Variants in COL7A1 observed in about 807,000 individuals in gnomAD.
COL7A1 encodes the protein collagen type VII alpha 1 chain.
Under a neutral mutation model 456.2 loss-of-function variants are expected in COL7A1, and 296 were observed. That is an observed-to-expected ratio of 0.65 (90% confidence interval 0.59 to 0.71). The LOEUF (loss-of-function observed/expected upper bound fraction) is 0.71. Among genes scored for constraint, COL7A1 ranks in the 30% least tolerant of loss-of-function variants. The probability of loss-of-function intolerance (pLI) is 0.00; values close to 1 mark genes in which losing one functional copy is unlikely to be tolerated. For synonymous variants in COL7A1, 1,464 were observed against 1,525.9 expected (o/e 0.96, Z 0.95); for missense variants, 3,441 against 4,017.2 (o/e 0.86, Z 3.88).
Position 48,583,551 on chromosome 3 carries a change from C to T in COL7A1, c.4401+5G>A. 1 of 1,614,052 alleles carries T rather than the reference C, an allele frequency of 6.2e-7. No homozygotes were observed. Among genetic ancestry groups the T allele is most frequent in the South Asian group, 1.1e-5 (1 of 91,086 alleles). Reference sequence around the variant, plus strand: ...ATATTCAGAATCCCTGGCCCCTCCACTCACCTGCTCACCCGGAGACCCAGG... The same window carrying T: ...ATATTCAGAATCCCTGGCCCCTCCATTCACCTGCTCACCCGGAGACCCAGG... On this transcript the variant is annotated splice_donor_5th_base_variant and intron_variant, in intron 41 of 118. Coordinates refer to ENST00000681320, the MANE Select transcript of COL7A1 (RefSeq NM_000094.4). The surrounding 1 kb of genome is among the most constrained non-coding windows in gnomAD (Gnocchi z 5.1).
Position 48,576,446 on chromosome 3 carries a change from G to A in COL7A1, c.5737-11C>T, listed in dbSNP as rs770638451. 24 of 1,613,414 alleles carry A rather than the reference G, an allele frequency of 1.5e-5. No individual in the cohort carries two copies. Among genetic ancestry groups the A allele is most frequent in the Non-Finnish European group, 2.0e-5 (24 of 1,179,890 alleles). On this transcript the variant is annotated splice_polypyrimidine_tract_variant and intron_variant, in intron 69 of 118. Transcript: ENST00000681320. ...CTCCCCACGGTCACCCTGAAAACAA[G>A]AATGACCAGGTGGGGAAATGGCCCC...
rs751909991 is a variant in COL7A1, at chr3:48,591,597, T to A, written c.1508-5A>T. ...GGCTCACAGGCAGCTCTGGTCCTGT[T>A]GGAGAGCACAGCATAGAGGCAGCCT... On this transcript the variant is annotated splice_polypyrimidine_tract_variant and splice_region_variant and intron_variant, in intron 12 of 118. Coordinates refer to ENST00000681320, the MANE Select transcript of COL7A1 (RefSeq NM_000094.4). The surrounding 1 kb of genome is among the most constrained non-coding windows in gnomAD (Gnocchi z 7.0). The A allele has an allele frequency of 2.5e-6, 4 of 1,613,458 alleles. No individual in the cohort carries two copies. Among genetic ancestry groups the A allele is most frequent in the Non-Finnish European group, 3.4e-6 (4 of 1,179,976 alleles).
At position 48,568,322 on chromosome 3, in the gene COL7A1, A is replaced by C; in HGVS notation, c.7795-152T>G. On this transcript the variant is annotated intron_variant, in intron 105 of 118. Coordinates refer to ENST00000681320, the MANE Select transcript of COL7A1 (RefSeq NM_000094.4). The surrounding 1 kb of genome is among the most constrained non-coding windows in gnomAD (Gnocchi z 5.2). The stretch of plus-strand genomic sequence containing the variant: ...TTGCCATGGGGACAAGGGTCACCAT[A>C]GGCAGGGGACACCATCATAGGCGGC... 2 of 1,072,472 alleles carry C rather than the reference A, an allele frequency of 1.9e-6. No individual in the cohort carries two copies. The highest frequency in any genetic ancestry group is 2.6e-5 in the South Asian group (2 of 75,764). 66.4% of individuals were successfully genotyped at this position (1,072,472 alleles called of 1,614,324 possible).
rs371418298 is a variant in COL7A1, at chr3:48,591,538, C to T, written c.1562G>A (p.Gly521Glu). ...VTDLQATELP[G>E]QRVRVSWSPV... ...GCTCCAGGACACTCGCACCCGCTGC[C>T]CGGGCAGCTCGGTGGCTTGCAGGTC... Residue 521 changes from glycine (G) to glutamate (E), a missense_variant, in exon 13 of 119, where the codon GGG becomes GAG. Transcript: ENST00000681320. This position sits in a 1 kb window ranked among gnomAD's most constrained non-coding sequence, Gnocchi z 7.0. 7.4e-6 allele frequency: 12 copies of T among 1,613,844 alleles called. No homozygotes were observed. In the Admixed American group the frequency reaches 1.0e-4, roughly 13 times the overall value.
chr3:48,570,017 CAG>C lies in COL7A1; in HGVS notation c.7486-104_7486-103del. The C allele has an allele frequency of 6.3e-7, 1 of 1,595,288 alleles. No individual in the cohort carries two copies. The highest frequency in any genetic ancestry group is 8.6e-7 in the Non-Finnish European group (1 of 1,164,400). On this transcript the variant is annotated intron_variant, in intron 99 of 118. Transcript: ENST00000681320. The surrounding 1 kb of genome is among the most constrained non-coding windows in gnomAD (Gnocchi z 5.5). ...AACAGTGGGGACCAGACAAAGGGGA[CAG>C]GGGTAGACGAGGAGGGCCAGAGGGC... is the stretch of plus-strand genomic sequence containing the variant.
chr3:48,564,428 GAGGACAGGTTGGA>G lies in COL7A1; in HGVS notation c.8819-19_8819-7del. The G allele has an allele frequency of 6.2e-7, 1 of 1,614,056 alleles. No individual in the cohort carries two copies. The highest frequency in any genetic ancestry group is 8.5e-7 in the Non-Finnish European group (1 of 1,179,952). ...GCCTCAGTCCTGGGCAGTACCTGGTGAGGACAGGTTGGAAACGGTCGTCAGCCATCTGACCTTC... is the reference window on the plus strand; with the variant it reads ...GCCTCAGTCCTGGGCAGTACCTGGTGAACGGTCGTCAGCCATCTGACCTTC... On this transcript the variant is annotated splice_polypyrimidine_tract_variant and splice_region_variant and intron_variant, in intron 118 of 118. Transcript: ENST00000681320. The surrounding 1 kb of genome is among the most constrained non-coding windows in gnomAD (Gnocchi z 6.0).
At position 48,593,770 on chromosome 3, in the gene COL7A1, G is replaced by A; in HGVS notation, c.267-74C>T. ...GGCCCTGGCCTTGAGGAGGCCTCTA[G>A]GGTGAGGGTTACGGGTATCAGGCTC... On this transcript the variant is annotated intron_variant, in intron 3 of 118. Transcript: ENST00000681320. This position sits in a 1 kb window ranked among gnomAD's most constrained non-coding sequence, Gnocchi z 4.4. 6.4e-7 allele frequency: 1 copy of A among 1,567,514 alleles called. No homozygotes were observed. The highest frequency in any genetic ancestry group is 8.8e-7 in the Non-Finnish European group (1 of 1,137,866).
Position 48,586,443 on chromosome 3 carries a change from C to G in COL7A1, c.3439G>C (p.Ala1147Pro). 6.2e-7 allele frequency: 1 copy of G among 1,613,816 alleles called. No individual in the cohort carries two copies. Among genetic ancestry groups the G allele is most frequent in the Non-Finnish European group, 8.5e-7 (1 of 1,180,032 alleles). ...TGGCGGCGCCCAGGAGCATCTGGTG[C>G]CAACATGTATCTGTGAGCTGTGACC... The part of the protein sequence containing the change: ...AVVTAHRYML[A>P]PDAPGRRQHV... Residue 1147 changes from alanine to proline, a missense_variant, in exon 27 of 119, where the codon GCA (alanine) becomes CCA (proline). By Grantham distance (27) the Ala-to-Pro change is conservative. Coordinates refer to ENST00000681320, the MANE Select transcript of COL7A1 (RefSeq NM_000094.4). The surrounding 1 kb of genome is among the most constrained non-coding windows in gnomAD (Gnocchi z 5.1).
Position 48,566,887 on chromosome 3 carries a change from T to G in COL7A1, c.8226+20A>C. 6.3e-7 allele frequency: 1 copy of G among 1,585,822 alleles called. No individual in the cohort carries two copies. Among genetic ancestry groups the G allele is most frequent in the Non-Finnish European group, 8.6e-7 (1 of 1,162,294 alleles). On this transcript the variant is annotated intron_variant, in intron 111 of 118. Coordinates refer to ENST00000681320, the MANE Select transcript of COL7A1 (RefSeq NM_000094.4). The surrounding 1 kb of genome is among the most constrained non-coding windows in gnomAD (Gnocchi z 5.9). ...GTAGGGAAGGTTCAGGGATCAGGAG[T>G]CAGAGCTGGGGCCCCTTACCTTCTG...
In COL7A1 at chr3:48,584,495, G is replaced by A; in HGVS notation, c.4109C>T (p.Pro1370Leu). Residue 1370 changes from proline to leucine, a missense_variant, in exon 36 of 119, where the codon CCT becomes CTT. Pro to Leu is a moderately conservative substitution (Grantham distance 98). Transcript: ENST00000681320. ...GPGLPGRKGDPGPSGPPGPRG... is the reference protein window; with the variant it reads ...GPGLPGRKGDLGPSGPPGPRG... ...ATACCCTGCACTTACCGATGGTCCA[G>A]GGTCCCCTTTCCGCCCAGGAAGCCC... is the stretch of plus-strand genomic sequence containing the variant. The A allele has an allele frequency of 6.2e-7, 1 of 1,613,974 alleles. No homozygotes were observed. Among genetic ancestry groups the A allele is most frequent in the East Asian group, 2.2e-5 (1 of 44,876 alleles).
chr3:48,581,345 G>A lies in COL7A1; in HGVS notation c.4819-5C>T, dbSNP rs1208579734. The A allele has an allele frequency of 6.2e-7, 1 of 1,613,686 alleles. No individual in the cohort carries two copies. Among genetic ancestry groups the A allele is most frequent in the East Asian group, 2.2e-5 (1 of 44,876 alleles). ...TCCAGGAGGCCCTGAGTCACCCTGT[G>A]GAGGAGGCAAGAGGGAGGTGATGCA... On this transcript the variant is annotated splice_region_variant and splice_polypyrimidine_tract_variant and intron_variant, in intron 51 of 118. Coordinates refer to ENST00000681320, the MANE Select transcript of COL7A1 (RefSeq NM_000094.4). The surrounding 1 kb of genome is among the most constrained non-coding windows in gnomAD (Gnocchi z 5.8).
chr3:48,583,818 T>C lies in COL7A1; in HGVS notation c.4279-38A>G, dbSNP rs1291750093. The C allele has an allele frequency of 6.2e-7, 1 of 1,613,456 alleles. No homozygotes were observed. The highest frequency in any genetic ancestry group is 8.5e-7 in the Non-Finnish European group (1 of 1,179,812). On this transcript the variant is annotated intron_variant, in intron 39 of 118. Coordinates refer to ENST00000681320, the MANE Select transcript of COL7A1 (RefSeq NM_000094.4). The surrounding 1 kb of genome is among the most constrained non-coding windows in gnomAD (Gnocchi z 5.1). ...GAGTAAAAATATGAGCCAAGAACTA[T>C]GAAGCCCAGCACCCAACCACTGCCC...
At position 48,578,992 on chromosome 3, in the gene COL7A1, G is replaced by A; in HGVS notation, c.5389-38C>T. ...TCAAAGTCAGTTCATCATGGTCATG[G>A]GGTCAGGGGCTCTAGTCCCTGTGAG... On this transcript the variant is annotated intron_variant, in intron 62 of 118. Coordinates refer to ENST00000681320, the MANE Select transcript of COL7A1 (RefSeq NM_000094.4). This position sits in a 1 kb window ranked among gnomAD's most constrained non-coding sequence, Gnocchi z 4.7. The A allele has an allele frequency of 1.2e-6, 2 of 1,613,618 alleles. No individual in the cohort carries two copies. The highest frequency in any genetic ancestry group is 2.2e-5 in the East Asian group (1 of 44,866).
At position 48,565,566 on chromosome 3, in the gene COL7A1, A is replaced by AGAG. The variant is rs1429477681; in HGVS notation, c.8440+67_8440+69dup. ...GCAGCCATCCCAGCCAACCCCCCTG[A>AGAG]GAGGACCCCAGTTGATAGGCAGGGC... On this transcript the variant is annotated intron_variant, in intron 115 of 118. Coordinates refer to ENST00000681320, the MANE Select transcript of COL7A1 (RefSeq NM_000094.4). The surrounding 1 kb of genome is among the most constrained non-coding windows in gnomAD (Gnocchi z 4.5). 6.2e-6 allele frequency: 10 copies of AGAG among 1,613,898 alleles called. No homozygotes were observed. The highest frequency in any genetic ancestry group is 8.5e-6 in the Non-Finnish European group (10 of 1,179,936).
Position 48,566,754 on chromosome 3 carries a change from C to G in COL7A1, c.8227-17G>C. On this transcript the variant is annotated splice_polypyrimidine_tract_variant and intron_variant, in intron 111 of 118. Transcript: ENST00000681320. The surrounding 1 kb of genome is among the most constrained non-coding windows in gnomAD (Gnocchi z 5.9). Reference sequence around the variant, plus strand: ...TCGCTCACCCTGTCAGACACAGGGACCAAGTGAGCAGGGTCAGAGGCAGTG... The same window carrying G: ...TCGCTCACCCTGTCAGACACAGGGAGCAAGTGAGCAGGGTCAGAGGCAGTG... The G allele has an allele frequency of 6.2e-7, 1 of 1,613,356 alleles. No individual in the cohort carries two copies. The highest frequency in any genetic ancestry group is 8.5e-7 in the Non-Finnish European group (1 of 1,179,808).
Position 48,580,888 on chromosome 3 carries a change from G to A in COL7A1, c.4974C>T (p.Gly1658=). ...TCTCTCTGCCAAGACTCACCCGAAG[G>A]CCACGCTCGCCTGCTTTTCCAGGCA... ...PGLPGKAGER[G]LRGAPGVRGP... Residue 1658 remains glycine (G), a synonymous_variant, in exon 54 of 119, where the codon GGC becomes GGT. Coordinates refer to ENST00000681320, the MANE Select transcript of COL7A1 (RefSeq NM_000094.4). This position sits in a 1 kb window ranked among gnomAD's most constrained non-coding sequence, Gnocchi z 4.5. The A allele has an allele frequency of 6.2e-7, 1 of 1,614,018 alleles. No homozygotes were observed. The highest frequency in any genetic ancestry group is 8.5e-7 in the Non-Finnish European group (1 of 1,180,008).
Position 48,572,623 on chromosome 3 carries a change from G to C in COL7A1, c.6900+48C>G, listed in dbSNP as rs760133967. The C allele has an allele frequency of 1.2e-6, 2 of 1,603,754 alleles. 1 individual carries two copies. Among genetic ancestry groups the C allele is most frequent in the South Asian group, 2.2e-5 (2 of 89,664 alleles). On this transcript the variant is annotated intron_variant, in intron 88 of 118. Coordinates refer to ENST00000681320, the MANE Select transcript of COL7A1 (RefSeq NM_000094.4). This position sits in a 1 kb window ranked among gnomAD's most constrained non-coding sequence, Gnocchi z 4.6. The stretch of plus-strand genomic sequence containing the variant: ...GGCATTTGGAAACAGGCTTGTGGGT[G>C]AGGCAGAGGAGTTGCTGCAGGGGGT...
chr3:48,579,740 G>A lies in COL7A1; in HGVS notation c.5154+45C>T. The A allele has an allele frequency of 6.2e-7, 1 of 1,613,944 alleles. No homozygotes were observed. Among genetic ancestry groups the A allele is most frequent in the South Asian group, 1.1e-5 (1 of 91,084 alleles). On this transcript the variant is annotated intron_variant, in intron 58 of 118. Coordinates refer to ENST00000681320, the MANE Select transcript of COL7A1 (RefSeq NM_000094.4). This position sits in a 1 kb window ranked among gnomAD's most constrained non-coding sequence, Gnocchi z 4.4. ...ATGCCCAAGGTAGAACCTGCTGGGA[G>A]GGGCACTGGGGTCTTTCTTACCCTC... is the stretch of plus-strand genomic sequence containing the variant.
In COL7A1 at chr3:48,591,532, C is replaced by T. The variant is rs749579224; in HGVS notation, c.1568G>A (p.Arg523Gln). 30 of 1,613,850 alleles carry T rather than the reference C, an allele frequency of 1.9e-5. 1 individual carries two copies. In the African/African-American group the frequency reaches 2.1e-4, roughly 11 times the overall value. The change falls in exon 13 of 119, where the codon CGG becomes CAG. Residue 523 changes from arginine (R) to glutamine (Q), a missense_variant. Coordinates refer to ENST00000681320, the MANE Select transcript of COL7A1 (RefSeq NM_000094.4). This position sits in a 1 kb window ranked among gnomAD's most constrained non-coding sequence, Gnocchi z 7.0. ...DLQATELPGQ[R>Q]VRVSWSPVPG... ...GACTGGGCTCCAGGACACTCGCACC[C>T]GCTGCCCGGGCAGCTCGGTGGCTTG...
Sources: gnomAD v4.1 joint callset for allele counts on GRCh38, gnomAD v4.1.1 for gene constraint, Gnocchi (gnomAD v3.1) non-coding constraint, MANE v1.5 for transcripts, NCBI Gene and HGNC (gene_info 2026-07-23, HGNC 2026-07-21) for gene names.